The following SPAG16 variants were observed in gnomAD, a reference collection of about 807,000 sequenced individuals.
SPAG16 encodes sperm associated antigen 16, also known as sperm-associated antigen 16 protein.
In SPAG16, 86 loss-of-function variants were observed where a neutral mutation model predicts 80.4. The observed-to-expected ratio is 1.07, with a 90% CI of 0.90 to 1.28. The LOEUF is 1.28. Ranked by LOEUF, SPAG16 falls within the 50% of genes most tolerant of loss-of-function variation. The pLI is 0.00. For synonymous variants in SPAG16, 294 were observed against 265.9 expected (o/e 1.11, Z -1.03); for missense variants, 870 against 765.3 (o/e 1.14, Z -1.61).
chr2:214,408,991 A>C (rs1559279315), intron 15 of SPAG16, among the ~76,000 whole-genome samples: 1 of 151,350 alleles, frequency 6.6e-6, no homozygotes, highest in Non-Finnish European at 1.5e-5. Context: ...AATAGTTAAT[A>C]CTATTAATAC....
intron 15 of SPAG16, among the ~76,000 whole-genome samples, chr2:214,383,527 C>T (rs1700575751): frequency 6.8e-6 from 1 of 147,682 alleles, no homozygotes; most frequent in Non-Finnish European, 1.5e-5. Flanking sequence ...GCCAAGATCG[C>T]ACCACTGCAC....
intron 10 of SPAG16, among the ~76,000 whole-genome samples, chr2:213,807,296 C>G (rs908438830): frequency 1.3e-5 from 2 of 152,038 alleles, no homozygotes; most frequent in African/African-American, 2.4e-5. Context: ...GTCCTCGACT[C>G]CACCTGCAGA....
At chr2:213,466,671 T>A (rs2072716100) in intron 9 of SPAG16, among the ~76,000 whole-genome samples, 1 of 152,206 alleles carries the variant, frequency 6.6e-6, no homozygotes, top group Non-Finnish European at 1.5e-5. Flanking sequence ...GATTTTGAGA[T>A]CTTATGTCCT....
intron 12 of SPAG16, among the ~76,000 whole-genome samples, chr2:213,959,258 G>T (rs2044295850): frequency 6.6e-6 from 1 of 152,064 alleles, no homozygotes; most frequent in Non-Finnish European, 1.5e-5. Flanking sequence ...TTACTTGAAG[G>T]TCTTTGTACT....
At chr2:213,906,070 G>T (rs1049647992) in intron 11 of SPAG16, among the ~76,000 whole-genome samples, 1 of 152,026 alleles carries the variant, frequency 6.6e-6, no homozygotes, top group Non-Finnish European at 1.5e-5. Context: ...CAGACAGGAA[G>T]GTCTTATGTG....
At chr2:213,676,671 A>G (rs1344251270) in intron 10 of SPAG16, among the ~76,000 whole-genome samples, 2 of 152,114 alleles carry the variant, frequency 1.3e-5, no homozygotes, top group Non-Finnish European at 2.9e-5. Context: ...TTCTGCTTAT[A>G]TGCTGGATTA....
At chr2:214,077,467 G>T (rs1022389873) in intron 13 of SPAG16, among the ~76,000 whole-genome samples, 1 of 152,184 alleles carries the variant, frequency 6.6e-6, no homozygotes, top group African/African-American at 2.4e-5. Context: ...TCAGTTTTTG[G>T]GAAAGGGCAT....
At chr2:213,929,913 T>G (rs1479323299) in intron 11 of SPAG16, 47 bp from the exon 12 acceptor site, 1 of 1,540,374 alleles carries the variant, frequency 6.5e-7, no homozygotes, top group African/African-American at 1.4e-5. Context: ...TTCATAAAAA[T>G]TATGTTACTT....
intron 10 of SPAG16, among the ~76,000 whole-genome samples, chr2:213,794,415 G>C (rs2070893176): frequency 6.6e-6 from 1 of 152,020 alleles, no homozygotes; most frequent in Non-Finnish European, 1.5e-5. Context: ...AAAGTATCTA[G>C]GCTCTCTGTA....
rs370783637 is a variant in SPAG16, at chr2:213,681,768, A to G, written c.1071-180717A>G. On this transcript the variant is annotated intron_variant, in intron 10 of 15. Coordinates refer to ENST00000331683, the MANE Select transcript of SPAG16 (RefSeq NM_024532.5). ...GAGCCTCAAACCAGTTCTGCACTGCATTTTTTTCTTTCATAAAATAAAACT... is the reference window on the plus strand; with the variant it reads ...GAGCCTCAAACCAGTTCTGCACTGCGTTTTTTTCTTTCATAAAATAAAACT... Among the ~76,000 whole-genome samples the G allele has an allele frequency of 1.0e-3, 157 of 152,252 alleles. 1 individual carries two copies. Among genetic ancestry groups the G allele is most frequent in the African/African-American group, 3.5e-3 (147 of 41,550 alleles).
intron 15 of SPAG16, among the ~76,000 whole-genome samples, chr2:214,204,627 A>G (rs1238094318): frequency 6.6e-6 from 1 of 152,214 alleles, no homozygotes; most frequent in Non-Finnish European, 1.5e-5. Context: ...TAGGAAAGGG[A>G]GAAAGCACCA....
At chr2:214,352,264 G>GTATC (rs1382149816) in intron 15 of SPAG16, among the ~76,000 whole-genome samples, 3 of 152,150 alleles carry the variant, frequency 2.0e-5, no homozygotes, top group Non-Finnish European at 1.5e-5. Context: ...TAACAAACAA[G>GTATC]TATCTCAGAT....
intron 14 of SPAG16, among the ~76,000 whole-genome samples, chr2:214,138,762 G>T (rs557256054): frequency 1.3e-5 from 2 of 152,110 alleles, no homozygotes; most frequent in South Asian, 4.1e-4. Context: ...TATTCAGAGA[G>T]GAAATAGCTT....
chr2:213,874,002 A>G (rs953433774), intron 11 of SPAG16, among the ~76,000 whole-genome samples: 1 of 152,178 alleles, frequency 6.6e-6, no homozygotes, highest in African/African-American at 2.4e-5. Flanking sequence ...AATACCATAT[A>G]CAATTGTAAT....
At chr2:214,206,111 G>A (rs916428152) in intron 15 of SPAG16, among the ~76,000 whole-genome samples, 25 of 152,080 alleles carry the variant, frequency 1.6e-4, no homozygotes, top group Non-Finnish European at 3.2e-4. Flanking sequence ...CAGGAGAATC[G>A]CTTGAACCCA....
At chr2:213,791,034 T>A (rs978860407) in intron 10 of SPAG16, among the ~76,000 whole-genome samples, 4 of 152,070 alleles carry the variant, frequency 2.6e-5, no homozygotes, top group Admixed American at 1.3e-4. Flanking sequence ...ATCACTGATT[T>A]TTTTTAGAAG....
In SPAG16 at chr2:213,990,109, A is replaced by G. The variant is rs2046205321; in HGVS notation, c.1401-23842A>G. Among the ~76,000 whole-genome samples the G allele has an allele frequency of 2.0e-5, 3 of 152,086 alleles. No individual in the cohort carries two copies. The South Asian group carries it at 6.2e-4, about 32-fold the overall frequency. ...TAAACTGAGTACCTTCCCCTTTGAC[A>G]TTTCTACATCTTTATTTGTTGCTTC... On this transcript the variant is annotated intron_variant, in intron 12 of 15. Coordinates refer to ENST00000331683, the MANE Select transcript of SPAG16 (RefSeq NM_024532.5).
chr2:213,869,118 T>G (rs1033665492), intron 11 of SPAG16, among the ~76,000 whole-genome samples: 1 of 151,082 alleles, frequency 6.6e-6, no homozygotes, highest in Non-Finnish European at 1.5e-5. Context: ...CCGGGTGTAG[T>G]GACAGGCACC....
At chr2:214,378,504 G>A (rs758845207) in intron 15 of SPAG16, among the ~76,000 whole-genome samples, 10 of 152,100 alleles carry the variant, frequency 6.6e-5, no homozygotes, top group Admixed American at 1.3e-4. Context: ...TTATAAGTTT[G>A]GGAAGGCTGC....
Sources: allele counts gnomAD v4.1 joint callset (sites outside exome capture counted in the v4.1 genomes callset), GRCh38; gene constraint gnomAD v4.1.1; transcripts MANE v1.5; gene names NCBI Gene and HGNC (gene_info 2026-07-23, HGNC 2026-07-21).